The following XKR9 variants were observed in gnomAD, a reference collection of about 807,000 sequenced individuals.
The protein encoded by XKR9 is XK related 9.
A neutral mutation model predicts 32.0 loss-of-function variants in XKR9; 32 were observed. The ratio of observed to expected loss-of-function variants is 1.00; its 90% CI spans 0.76 to 1.34. XKR9 has a LOEUF of 1.34. XKR9 is among the 40% of genes most tolerant of loss of function. The pLI, the probability that XKR9 is intolerant of heterozygous loss-of-function variation, is 0.00. For missense variants in XKR9, 546 were observed against 429.7 expected, an observed-to-expected ratio of 1.27 and a Z score of -2.39; for synonymous variants, 168 against 143.4, an observed-to-expected ratio of 1.17 and a Z score of -1.22.
chr8:70,910,169 G>A, the XKR9 span, among the ~76,000 whole-genome samples: 1 of 151,744 alleles, frequency 6.6e-6, no homozygotes, highest in African/African-American at 2.4e-5. Flanking sequence ...CTGAGGCAGT[G>A]AATGACTTTC....
chr8:70,712,468 C>T (rs1805950901), intron 4 of XKR9, among the ~76,000 whole-genome samples: 1 of 152,026 alleles, frequency 6.6e-6, no homozygotes, highest in Non-Finnish European at 1.5e-5. Flanking sequence ...GAAGACAAAA[C>T]TCAGGGTCCT....
At chr8:70,990,093 C>G in the XKR9 span, among the ~76,000 whole-genome samples, 1 of 152,136 alleles carries the variant, frequency 6.6e-6, no homozygotes, top group Non-Finnish European at 1.5e-5. Flanking sequence ...TGGGTAGCCT[C>G]CCACAGTCTT....
chr8:70,890,690 C>A, the XKR9 span, among the ~76,000 whole-genome samples: 4 of 151,940 alleles, frequency 2.6e-5, no homozygotes, highest in South Asian at 8.3e-4. Flanking sequence ...TAATGTGTCA[C>A]CAAATTTGGT....
the XKR9 span, among the ~76,000 whole-genome samples, chr8:70,881,913 C>G: frequency 5.3e-5 from 8 of 152,150 alleles, no homozygotes; most frequent in Admixed American, 5.2e-4. Context: ...GGCACATACA[C>G]CATGGAATAC....
the XKR9 span, among the ~76,000 whole-genome samples, chr8:70,949,946 T>A: frequency 6.6e-6 from 1 of 152,202 alleles, no homozygotes; most frequent in Non-Finnish European, 1.5e-5. Flanking sequence ...GAAGTTCACA[T>A]AGCTAGTAAG....
chr8:70,980,029 C>A, the XKR9 span, among the ~76,000 whole-genome samples: 3 of 152,246 alleles, frequency 2.0e-5, no homozygotes, highest in African/African-American at 7.2e-5. Context: ...GCTGCGCTAG[C>A]AGTGAGCAAG....
the XKR9 span, among the ~76,000 whole-genome samples, chr8:70,832,369 G>T: frequency 4.2e-4 from 64 of 152,224 alleles, no homozygotes; most frequent in African/African-American, 1.5e-3. Context: ...TGGAAAGTAC[G>T]TGACAAAAAT....
chr8:70,673,836 C>T (rs1818796774), intron 1 of XKR9, among the ~76,000 whole-genome samples: 3 of 151,972 alleles, frequency 2.0e-5, no homozygotes, highest in African/African-American at 7.2e-5. Context: ...TTAAGTTCCT[C>T]TCCAAGAAAT....
At chr8:70,729,413 G>A (rs13272884) in intron 4 of XKR9, among the ~76,000 whole-genome samples, 80,678 of 151,556 alleles carry the variant, frequency 0.53, 22,426 homozygotes, top group Middle Eastern at 0.62. Context: ...TTAGTTTTCT[G>A]ATAGTTCAGT....
chr8:70,827,502 T>C, the XKR9 span, among the ~76,000 whole-genome samples: 1 of 152,164 alleles, frequency 6.6e-6, no homozygotes, highest in Non-Finnish European at 1.5e-5. Context: ...AGAGAAAGTT[T>C]GGAAAGCTTT....
At chr8:70,853,359 A>T in the XKR9 span, among the ~76,000 whole-genome samples, 2 of 152,092 alleles carry the variant, frequency 1.3e-5, no homozygotes, top group Non-Finnish European at 2.9e-5. Flanking sequence ...CAAATTTTCC[A>T]TGATATTATT....
chr8:70,959,263 A>G, the XKR9 span, among the ~76,000 whole-genome samples: 1 of 152,214 alleles, frequency 6.6e-6, no homozygotes, highest in Non-Finnish European at 1.5e-5. Context: ...AAAAAGATGC[A>G]CATTCCCACA....
the XKR9 span, among the ~76,000 whole-genome samples, chr8:70,816,157 A>G: frequency 7.2e-5 from 11 of 152,302 alleles, no homozygotes; most frequent in South Asian, 2.3e-3. Flanking sequence ...ACACAGATAA[A>G]TGGAGAAGAA....
At chr8:70,873,049 T>G in the XKR9 span, among the ~76,000 whole-genome samples, 1 of 152,190 alleles carries the variant, frequency 6.6e-6, no homozygotes, top group Non-Finnish European at 1.5e-5. Context: ...ACTCTGCCTG[T>G]GCTCTAGAAA....
At chr8:70,882,326 T>C in the XKR9 span, among the ~76,000 whole-genome samples, 16 of 151,934 alleles carry the variant, frequency 1.1e-4, no homozygotes, top group East Asian at 3.1e-3. Flanking sequence ...AATTAAGGCA[T>C]GTGGTAAGAT....
chr8:70,832,368 C>T, the XKR9 span, among the ~76,000 whole-genome samples: 168 of 151,950 alleles, frequency 1.1e-3, no homozygotes, highest in African/African-American at 3.9e-3. Context: ...ATGGAAAGTA[C>T]GTGACAAAAA....
chr8:70,709,387 G>A (rs775796717), intron 4 of XKR9, among the ~76,000 whole-genome samples: 1 of 152,100 alleles, frequency 6.6e-6, no homozygotes, highest in Non-Finnish European at 1.5e-5. Context: ...TTTGAGAACT[G>A]GAACAAGACA....
At chr8:70,699,660 C>T (rs1259978104) in intron 3 of XKR9, among the ~76,000 whole-genome samples, 1 of 152,104 alleles carries the variant, frequency 6.6e-6, no homozygotes, top group Non-Finnish European at 1.5e-5. Context: ...AATTACGTGT[C>T]TTGGAGTTGC....
the XKR9 span, among the ~76,000 whole-genome samples, chr8:70,896,915 A>G: frequency 2.0e-5 from 3 of 152,248 alleles, no homozygotes; most frequent in Middle Eastern, 0.01. Context: ...TTAAAAATGT[A>G]CAATTAAATT....
Sources: allele counts gnomAD v4.1 joint callset (sites outside exome capture counted in the v4.1 genomes callset), GRCh38; gene constraint gnomAD v4.1.1; transcripts MANE v1.5; gene names NCBI Gene and HGNC (gene_info 2026-07-23, HGNC 2026-07-21).